The following STX8 variants were observed in gnomAD, a reference collection of about 807,000 sequenced individuals.
STX8 encodes the protein syntaxin-8.
In STX8, 23 loss-of-function variants were observed where a neutral mutation model predicts 37.5. The ratio of observed to expected loss-of-function variants is 0.61; its 90% CI spans 0.44 to 0.87. STX8 has a LOEUF of 0.87. Among genes scored for constraint, STX8 ranks in the 40% least tolerant of loss-of-function variants. The probability of loss-of-function intolerance (pLI) is 0.00; values close to 1 mark genes in which losing one functional copy is unlikely to be tolerated. For synonymous variants in STX8, 115 were observed against 99.1 expected (o/e 1.16, Z -0.95); for missense variants, 313 against 284.7 (o/e 1.10, Z -0.71).
intron 7 of STX8, among the ~76,000 whole-genome samples, chr17:9,345,154 TTC>T (rs1452290766): frequency 5.3e-5 from 8 of 151,732 alleles, no homozygotes; most frequent in Non-Finnish European, 1.2e-4. Context: ...CTCATTTTCT[TTC>T]TTTTTTTTTT....
In STX8 at chr17:9,378,739, A is replaced by G. The variant is rs58437279; in HGVS notation, c.542-86T>C. 2.7e-3 allele frequency: 2,789 copies of G among 1,019,042 alleles called. 53 individuals carry two copies. The African/African-American group carries it at 0.036, about 13-fold the overall frequency. 63.1% of individuals were successfully genotyped at this position (1,019,042 alleles called of 1,614,324 possible). ...ACAGCTGTGGTTGTTCATCCTAGCAATAATGATCTCGAGTGCAGTAACTGA... is the reference window on the plus strand; with the variant it reads ...ACAGCTGTGGTTGTTCATCCTAGCAGTAATGATCTCGAGTGCAGTAACTGA... On this transcript the variant is annotated intron_variant, in intron 6 of 7. Transcript: ENST00000306357.
intron 7 of STX8, among the ~76,000 whole-genome samples, chr17:9,297,023 G>A (rs909909594): frequency 6.6e-6 from 1 of 152,030 alleles, no homozygotes; most frequent in Admixed American, 6.6e-5. Context: ...CTTGTAAATG[G>A]GAAGAATAAC....
chr17:9,535,641 C>T (rs939172020), intron 4 of STX8, among the ~76,000 whole-genome samples: 7 of 151,782 alleles, frequency 4.6e-5, no homozygotes, highest in African/African-American at 1.2e-4. Flanking sequence ...ACCGTGTTAG[C>T]CAGGATGGTC....
At chr17:9,483,705 G>A (rs1412662903) in intron 6 of STX8, among the ~76,000 whole-genome samples, 1 of 152,090 alleles carries the variant, frequency 6.6e-6, no homozygotes, top group African/African-American at 2.4e-5. Context: ...TTTCTAGCAC[G>A]TTCAAAGGAC....
At chr17:9,530,709 C>T (rs935158531) in intron 4 of STX8, among the ~76,000 whole-genome samples, 1 of 152,252 alleles carries the variant, frequency 6.6e-6, no homozygotes, top group African/African-American at 2.4e-5. Flanking sequence ...ATCCAAGATA[C>T]ATTTCCTATG....
chr17:9,313,832 A>G (rs1052279491), intron 7 of STX8, among the ~76,000 whole-genome samples: 1 of 152,022 alleles, frequency 6.6e-6, no homozygotes, highest in Non-Finnish European at 1.5e-5. Context: ...GGGTTTCACT[A>G]TGTTAGCCAG....
intron 7 of STX8, among the ~76,000 whole-genome samples, chr17:9,300,954 TC>T (rs1300697687): frequency 2.1e-5 from 3 of 146,286 alleles, no homozygotes; most frequent in South Asian, 2.3e-4. Flanking sequence ...TGCCTCAGCC[TC>T]CTGAGTAGCT....
At chr17:9,375,232 T>G (rs1468468023) in intron 7 of STX8, among the ~76,000 whole-genome samples, 1 of 152,148 alleles carries the variant, frequency 6.6e-6, no homozygotes, top group Non-Finnish European at 1.5e-5. Context: ...TATAGTTATT[T>G]TAAAATATGG....
At position 9,429,478 on chromosome 17, in the gene STX8, C is replaced by T. The variant is rs182447848; in HGVS notation, c.542-50825G>A. Among the ~76,000 whole-genome samples, 661 of 143,830 alleles carry T rather than the reference C, an allele frequency of 4.6e-3. 4 individuals carry two copies. Among genetic ancestry groups the T allele is most frequent in the African/African-American group, 0.016 (614 of 39,246 alleles). The allele number at this position is 143,830 out of a possible 152,430, so 94.4% of individuals were successfully genotyped here. A position where few individuals can be genotyped will look rare whatever the true frequency, so the allele number is the denominator to read the frequency against. On this transcript the variant is annotated intron_variant, in intron 6 of 7. Transcript: ENST00000306357. ...CAGCACTTTGGGAGGCCTAGGCAGG[C>T]GGATCATGAGGTCAGGAGATCAAGA...
intron 7 of STX8, among the ~76,000 whole-genome samples, chr17:9,304,438 A>G (rs1440457667): frequency 2.0e-5 from 3 of 150,086 alleles, no homozygotes; most frequent in Non-Finnish European, 4.4e-5. Context: ...AGGCAGAAGA[A>G]TCTCTTGTTG....
Position 9,559,760 on chromosome 17 carries a change from A to ATATATATATATTTT in STX8, c.118-2233_118-2232insAAAATATATATATA. On this transcript the variant is annotated intron_variant, in intron 2 of 7. Coordinates refer to ENST00000306357, the MANE Select transcript of STX8 (RefSeq NM_004853.3). ...TATATATATATATATATATATATAT[A>ATATATATATATTTT]TTTTTTTTTTTTTTTTTTTTGAGAC... Among the ~76,000 whole-genome samples the ATATATATATATTTT allele has an allele frequency of 3.2e-3, 79 of 24,476 alleles. 4 individuals carry two copies. The highest frequency in any genetic ancestry group is 0.011 in the East Asian group (4 of 366). 16.1% of individuals were successfully genotyped at this position (24,476 alleles called of 152,430 possible). A position where few individuals can be genotyped will look rare whatever the true frequency, so the allele number is the denominator to read the frequency against.
intron 6 of STX8, chr17:9,469,242 T>C (rs995250377): frequency 5.9e-5 from 9 of 152,172 alleles, no homozygotes; most frequent in Admixed American, 4.6e-4. Context: ...CCAATCTCCT[T>C]TGAGCAAGGT....
rs71135959 is a variant in STX8 at position 9,271,748 on chromosome 17, CAA to C, written c.644-21105_644-21104del. On this transcript the variant is annotated intron_variant, in intron 7 of 7. Transcript: ENST00000306357. ...CTGGCTATAGAGCAAGACTCCATCT[CAA>C]AAAAAAAAAAAAAAAAAAGAAAGAA... 5.8e-3 allele frequency among the ~76,000 whole-genome samples: 367 copies of C among 63,468 alleles called. 1 individual carries two copies. Among genetic ancestry groups the C allele is most frequent in the African/African-American group, 0.017 (335 of 19,288 alleles). 41.6% of individuals were successfully genotyped at this position (63,468 alleles called of 152,430 possible). A position where few individuals can be genotyped will look rare whatever the true frequency, so the allele number is the denominator to read the frequency against.
At chr17:9,499,358 T>C (rs1418330075) in intron 5 of STX8, among the ~76,000 whole-genome samples, 2 of 152,200 alleles carry the variant, frequency 1.3e-5, no homozygotes, top group African/African-American at 2.4e-5. Flanking sequence ...TTTTTTGTAT[T>C]TGTCCTTGAA....
intron 7 of STX8, among the ~76,000 whole-genome samples, chr17:9,373,727 G>A (rs1199955369): frequency 6.6e-6 from 1 of 152,116 alleles, no homozygotes; most frequent in Non-Finnish European, 1.5e-5. Flanking sequence ...ATCACCCGAG[G>A]CTGGGAGTTT....
At chr17:9,386,932 C>T (rs1201507465) in intron 6 of STX8, among the ~76,000 whole-genome samples, 4 of 152,118 alleles carry the variant, frequency 2.6e-5, no homozygotes, top group African/African-American at 4.8e-5. Context: ...TGCAGTGGCG[C>T]GATCTCAGCT....
intron 4 of STX8, among the ~76,000 whole-genome samples, chr17:9,536,934 G>A (rs747713442): frequency 1.3e-4 from 19 of 151,974 alleles, no homozygotes; most frequent in African/African-American, 1.9e-4. Context: ...TTTTAGTAGA[G>A]ACGGGGTTTC....
chr17:9,433,525 G>T (rs1013603051), intron 6 of STX8, among the ~76,000 whole-genome samples: 3 of 152,136 alleles, frequency 2.0e-5, no homozygotes, highest in African/African-American at 7.2e-5. Context: ...GAGATAAGAA[G>T]TTCCTCCTCC....
rs1905016397 is a variant in STX8, at chr17:9,450,809, G to T, written c.541+41020C>A. Among the ~76,000 whole-genome samples, 2 of 152,074 alleles carry T rather than the reference G, an allele frequency of 1.3e-5. 1 individual carries two copies. Among genetic ancestry groups the T allele is most frequent in the South Asian group, 4.2e-4 (2 of 4,818 alleles). ...TCTTAAGAAGGAATTTTATTTCTCG[G>T]TGGTATTCTCAGTATTTTGTAGACA... On this transcript the variant is annotated intron_variant, in intron 6 of 7. Transcript: ENST00000306357.
Sources: gnomAD v4.1 joint callset for allele counts (sites outside exome capture counted in the v4.1 genomes callset) on GRCh38, gnomAD v4.1.1 for gene constraint, MANE v1.5 for transcripts, NCBI Gene and HGNC (gene_info 2026-07-23, HGNC 2026-07-21) for gene names.